Variants in SLC44A1 observed in about 807,000 individuals in gnomAD.
The protein encoded by SLC44A1 is choline transporter-like protein 1.
SLC44A1 carries 26 observed loss-of-function variants against 79.3 expected under a neutral mutation model. That is an observed-to-expected ratio of 0.33 (90% CI 0.24 to 0.46). The LOEUF (loss-of-function observed/expected upper bound fraction) is 0.46, where lower values mean the gene tolerates loss of function less well. Among genes scored for constraint, SLC44A1 ranks in the 20% least tolerant of loss-of-function variants. SLC44A1 has a pLI of 1.00. For missense variants in SLC44A1, 688 were observed against 798.1 expected, an observed-to-expected ratio of 0.86 and a Z score of 1.66; for synonymous variants, 263 against 286.2, an observed-to-expected ratio of 0.92 and a Z score of 0.82.
intron 1 of SLC44A1, among the ~76,000 whole-genome samples, chr9:105,256,393 G>T (rs966876127): frequency 6.6e-6 from 1 of 152,004 alleles, no homozygotes; most frequent in African/African-American, 2.4e-5. Flanking sequence ...ACAGAAAACT[G>T]AAAGAAACTA....
intron 12 of SLC44A1, among the ~76,000 whole-genome samples, chr9:105,372,421 G>A (rs116894248): frequency 0.049 from 7,418 of 151,872 alleles, 240 homozygotes; most frequent in South Asian, 0.11. Context: ...CCGAGTAGCC[G>A]GGATTACAGG....
At position 105,244,863 on chromosome 9, in the gene SLC44A1, C is replaced by T; in HGVS notation, c.-6C>T. The stretch of plus-strand genomic sequence containing the variant: ...GGCGCCGCCTCCGGGCTCCTTCGGC[C>T]CCGCCATGGGCTGCTGCAGCTCCGC... On this transcript the variant is annotated 5_prime_UTR_variant, in exon 1 of 16. Transcript: ENST00000374720. 1 of 1,149,066 alleles carries T rather than the reference C, an allele frequency of 8.7e-7. No homozygotes were observed. Among genetic ancestry groups the T allele is most frequent in the Non-Finnish European group, 1.1e-6 (1 of 936,362 alleles). 71.2% of individuals were successfully genotyped at this position (1,149,066 alleles called of 1,614,324 possible).
intron 1 of SLC44A1, among the ~76,000 whole-genome samples, chr9:105,262,948 G>T (rs1436363534): frequency 6.6e-6 from 1 of 152,140 alleles, no homozygotes; most frequent in East Asian, 1.9e-4. Context: ...GAAATGAAAA[G>T]CCAAAAGCTG....
downstream of SLC44A1, among the ~76,000 whole-genome samples, chr9:105,398,839 G>A (rs1337393258): frequency 6.6e-6 from 1 of 152,136 alleles, no homozygotes; most frequent in Non-Finnish European, 1.5e-5. Flanking sequence ...TACCAGGGGT[G>A]TCCAATCTTT....
chr9:105,349,851 G>C (rs960362754), intron 5 of SLC44A1, among the ~76,000 whole-genome samples: 2 of 152,062 alleles, frequency 1.3e-5, no homozygotes, highest in African/African-American at 4.8e-5. Flanking sequence ...GTGTAATAGG[G>C]GCAGGATGTC....
chr9:105,400,673 A>C (rs1303831450), downstream of SLC44A1, among the ~76,000 whole-genome samples: 3 of 152,192 alleles, frequency 2.0e-5, no homozygotes, highest in African/African-American at 7.2e-5. Context: ...ATATTGATTT[A>C]TTAAAATGGA....
chr9:105,352,151 G>C (rs182483170), intron 5 of SLC44A1, among the ~76,000 whole-genome samples: 13 of 152,122 alleles, frequency 8.5e-5, no homozygotes, highest in Admixed American at 4.6e-4. Context: ...TGAAAGAAGA[G>C]AAAAAAGAAA....
chr9:105,374,393 C>T (rs1191260494), intron 12 of SLC44A1, among the ~76,000 whole-genome samples: 1 of 152,122 alleles, frequency 6.6e-6, no homozygotes, highest in Non-Finnish European at 1.5e-5. Context: ...AGAACCAAAA[C>T]TAAGCCAAAT....
Position 105,282,191 on chromosome 9 carries a change from G to A in SLC44A1, c.37-17029G>A, listed in dbSNP as rs138961780. Among the ~76,000 whole-genome samples the A allele has an allele frequency of 7.9e-5, 12 of 151,626 alleles. No individual in the cohort carries two copies. In the East Asian group the frequency reaches 2.3e-3, roughly 29 times the overall value. On this transcript the variant is annotated intron_variant, in intron 1 of 15. Transcript: ENST00000374720. Reference sequence around the variant, plus strand: ...GTTTATAGATACATGTGTTTTTAGAGCATTTACTTATTCAAGTTAGGCTTA... The same window carrying A: ...GTTTATAGATACATGTGTTTTTAGAACATTTACTTATTCAAGTTAGGCTTA...
At position 105,351,206 on chromosome 9, in the gene SLC44A1, G is replaced by A. The variant is rs540351223; in HGVS notation, c.500+2755G>A. Among the ~76,000 whole-genome samples, 25 of 152,254 alleles carry A rather than the reference G, an allele frequency of 1.6e-4. No homozygotes were observed. The South Asian group carries it at 5.2e-3, about 32-fold the overall frequency. On this transcript the variant is annotated intron_variant, in intron 5 of 15. Transcript: ENST00000374720. ...TGCCAGAAAGGTTACTAGGTGCTGG[G>A]GAATTAATGATACAATAATGTAGAG...
In SLC44A1 at chr9:105,391,453, A is replaced by G; in HGVS notation, c.*2397A>G. 1 of 985,744 alleles carries G rather than the reference A, an allele frequency of 1.0e-6. No individual in the cohort carries two copies. The allele number at this position is 985,744 out of a possible 1,614,324, so 61.1% of individuals were successfully genotyped here. On this transcript the variant is annotated 3_prime_UTR_variant, in exon 16 of 16. Coordinates refer to ENST00000374720, the MANE Select transcript of SLC44A1 (RefSeq NM_080546.5). ...GTGTAACCATGTCATTTGAGTTGCA[A>G]ATTAATTGCCAGGCTGTTTTCCTTA...
chr9:105,376,532 C>A (rs1366940688), intron 13 of SLC44A1, among the ~76,000 whole-genome samples: 1 of 152,082 alleles, frequency 6.6e-6, no homozygotes, highest in Non-Finnish European at 1.5e-5. Context: ...CACCACCATG[C>A]CCATCTAATT....
rs1827825116 is a variant in SLC44A1 at position 105,362,926 on chromosome 9, T to G, written c.1006T>G (p.Phe336Val). The change falls in exon 9 of 16, where the codon TTC (phenylalanine) becomes GTC (valine). Residue 336 changes from phenylalanine (F) to valine (V), a missense_variant. Phe to Val is a conservative substitution (Grantham distance 50). Coordinates refer to ENST00000374720, the MANE Select transcript of SLC44A1 (RefSeq NM_080546.5). ...CTTCATTCACTTGCCACTGCTAGTC[T>G]TCCAACCCTTCTGGACTTTCTTTGC... ...KVFIHLPLLV[F>V]QPFWTFFALV... 6.2e-7 allele frequency: 1 copy of G among 1,614,038 alleles called. No homozygotes were observed. Among genetic ancestry groups the G allele is most frequent in the Non-Finnish European group, 8.5e-7 (1 of 1,179,926 alleles).
At chr9:105,266,603 A>C (rs1009349501) in intron 1 of SLC44A1, among the ~76,000 whole-genome samples, 3 of 152,164 alleles carry the variant, frequency 2.0e-5, no homozygotes, top group Non-Finnish European at 2.9e-5. Context: ...ATCTTTCTCA[A>C]ATATCAACCA....
At chr9:105,312,183 C>G (rs1040751459) in intron 3 of SLC44A1, among the ~76,000 whole-genome samples, 3 of 152,120 alleles carry the variant, frequency 2.0e-5, no homozygotes, top group Non-Finnish European at 2.9e-5. Flanking sequence ...ATAGCTCTTT[C>G]TTGACTTCAT....
rs75269488 is a variant in SLC44A1, at chr9:105,345,992, GAA to G, written c.407-2351_407-2350del. Among the ~76,000 whole-genome samples the G allele has an allele frequency of 2.3e-3, 254 of 112,382 alleles. 1 individual carries two copies. The highest frequency in any genetic ancestry group is 7.2e-3 in the African/African-American group (229 of 31,640). The allele number at this position is 112,382 out of a possible 152,430, so 73.7% of individuals were successfully genotyped here. A position where few individuals can be genotyped will look rare whatever the true frequency, so the allele number is the denominator to read the frequency against. ...GCTAAGTATTTTTTATACTTTCACT[GAA>G]AAAAAAAAAAAAAACACATACTACC... On this transcript the variant is annotated intron_variant, in intron 4 of 15. Transcript: ENST00000374720.
At chr9:105,320,714 G>A (rs1826366973) in intron 3 of SLC44A1, among the ~76,000 whole-genome samples, 1 of 151,982 alleles carries the variant, frequency 6.6e-6, no homozygotes, top group African/African-American at 2.4e-5. Flanking sequence ...CATATAGCTG[G>A]GACTATAGGT....
At chr9:105,252,726 A>G (rs967870433) in intron 1 of SLC44A1, among the ~76,000 whole-genome samples, 1 of 152,256 alleles carries the variant, frequency 6.6e-6, no homozygotes, top group African/African-American at 2.4e-5. Context: ...AATTTAAGTC[A>G]TTAAAGAGTT....
chr9:105,344,310 G>A (rs1232784117), intron 4 of SLC44A1, among the ~76,000 whole-genome samples: 1 of 152,158 alleles, frequency 6.6e-6, no homozygotes, highest in Non-Finnish European at 1.5e-5. Flanking sequence ...ATAATGTGAT[G>A]TTTTAAACCA....
Sources: allele counts gnomAD v4.1 joint callset (sites outside exome capture counted in the v4.1 genomes callset), GRCh38; gene constraint gnomAD v4.1.1; transcripts MANE v1.5; gene names NCBI Gene and HGNC (gene_info 2026-07-23, HGNC 2026-07-21).